The following SYN3 variants were observed in gnomAD, a reference collection of about 807,000 sequenced individuals.
SYN3 encodes the protein synapsin III, also known as synapsin-3.
SYN3 carries 35 observed loss-of-function variants against 65.8 expected under a neutral mutation model. The observed-to-expected ratio is 0.53, with a 90% CI of 0.41 to 0.70. SYN3 has a LOEUF of 0.70. SYN3 is among the 30% of genes least tolerant of loss of function. The probability of loss-of-function intolerance (pLI) is 0.00; values close to 1 mark genes in which losing one functional copy is unlikely to be tolerated. For synonymous variants in SYN3, 270 were observed against 292.9 expected, an observed-to-expected ratio of 0.92 and a Z score of 0.80; for missense variants, 680 against 749.0, an observed-to-expected ratio of 0.91 and a Z score of 1.08.
At chr22:32,650,349 C>T (rs1352462935) in intron 6 of SYN3, among the ~76,000 whole-genome samples, 2 of 150,554 alleles carry the variant, frequency 1.3e-5, no homozygotes, top group African/African-American at 4.9e-5. Context: ...TCACTGCAAC[C>T]TCTGCCTCCC....
At chr22:32,878,071 C>G (rs996433308) in intron 4 of SYN3, among the ~76,000 whole-genome samples, 3 of 152,274 alleles carry the variant, frequency 2.0e-5, no homozygotes, top group Admixed American at 6.5e-5. Context: ...AAGGTGTCCA[C>G]CTGGGACTGG....
At chr22:32,815,231 G>A (rs1177705367) in intron 6 of SYN3, among the ~76,000 whole-genome samples, 1 of 152,230 alleles carries the variant, frequency 6.6e-6, no homozygotes, top group Non-Finnish European at 1.5e-5. Context: ...CCAAGGCTCA[G>A]AGGCTACTGA....
At chr22:33,011,837 A>C (rs1209566443) in intron 1 of SYN3, among the ~76,000 whole-genome samples, 2 of 152,166 alleles carry the variant, frequency 1.3e-5, no homozygotes, top group Non-Finnish European at 2.9e-5. Flanking sequence ...CTTGGTTGTG[A>C]AACTTACTGG....
rs1355118955 is a variant in SYN3 at position 32,527,931 on chromosome 22, G to A, written c.1305C>T (p.Arg435=). The A allele has an allele frequency of 6.3e-7, 1 of 1,590,726 alleles. No homozygotes were observed. The highest frequency in any genetic ancestry group is 1.7e-5 in the Admixed American group (1 of 57,716). Residue 435 remains arginine, a synonymous_variant, in exon 12 of 14, where the codon CGC becomes CGT. Coordinates refer to ENST00000358763, the MANE Select transcript of SYN3 (RefSeq NM_003490.4). The part of the protein sequence containing the change: ...LGPQLGQPQP[R]PPPQGGPRQA... ...CCTGGGTCATACCTTGCGGAGGTGGGCGTGGCTGGGGCTGGCCTAGCTGAG... is the reference window on the plus strand; with the variant it reads ...CCTGGGTCATACCTTGCGGAGGTGGACGTGGCTGGGGCTGGCCTAGCTGAG...
chr22:32,827,456 A>G (rs1231331533), intron 6 of SYN3, among the ~76,000 whole-genome samples: 1 of 151,958 alleles, frequency 6.6e-6, no homozygotes, highest in Non-Finnish European at 1.5e-5. Flanking sequence ...GTACAAATGG[A>G]TTTTAAAACA....
chr22:32,983,792 G>A (rs890723798), intron 2 of SYN3, among the ~76,000 whole-genome samples: 1 of 152,160 alleles, frequency 6.6e-6, no homozygotes, highest in African/African-American at 2.4e-5. Flanking sequence ...GGGGCAAAGC[G>A]ACAAATGGAA....
At chr22:32,668,293 T>C (rs2060317789) in intron 6 of SYN3, among the ~76,000 whole-genome samples, 1 of 152,216 alleles carries the variant, frequency 6.6e-6, no homozygotes, top group African/African-American at 2.4e-5. Context: ...TGAGAAATTG[T>C]TACATAATTA....
chr22:32,951,909 C>G (rs867994934), intron 3 of SYN3, among the ~76,000 whole-genome samples: 1 of 152,198 alleles, frequency 6.6e-6, no homozygotes, highest in South Asian at 2.1e-4. Flanking sequence ...CTCCTCCATT[C>G]GGCCTCTTCT....
At chr22:32,611,284 G>GTTTTTTTTTTT (rs1201383074) in intron 6 of SYN3, among the ~76,000 whole-genome samples, 40 of 94,488 alleles carry the variant, frequency 4.2e-4, no homozygotes, top group Non-Finnish European at 6.6e-4. Context: ...TTTTTTTTTT[G>GTTTTTTTTTTT]TTTTTTTTTT....
chr22:32,807,809 T>C lies in SYN3; in HGVS notation c.711+57106A>G, dbSNP rs967786946. ...ATTATATAATATGCATTTTCAATTT[T>C]AATAGTTCCTGCCAATTTGGCCTCC... On this transcript the variant is annotated intron_variant, in intron 6 of 13. Transcript: ENST00000358763. Among the ~76,000 whole-genome samples the C allele has an allele frequency of 8.5e-5, 13 of 152,196 alleles. No individual in the cohort carries two copies. In the East Asian group the frequency reaches 2.5e-3, roughly 29 times the overall value.
rs181185509 is a variant in SYN3, at chr22:33,043,820, C to T, written c.-163+14472G>A. On this transcript the variant is annotated intron_variant, in intron 1 of 13. Transcript: ENST00000358763. ...CTGTAATCCCAGCACTTTGGGAGGC[C>T]GAGGCAGGCAGATCATGAGGTCAAG... Among the ~76,000 whole-genome samples, 867 of 152,080 alleles carry T rather than the reference C, an allele frequency of 5.7e-3. 5 individuals carry two copies. Among genetic ancestry groups the T allele is most frequent in the Non-Finnish European group, 9.8e-3 (663 of 67,986 alleles).
At position 32,650,240 on chromosome 22, in the gene SYN3, TCC is replaced by T. The variant is rs2060045802; in HGVS notation, c.712-53506_712-53505del. ...TTCTCTCTCTCTCTCTCTCCCTCCC[TCC>T]CTCCCTCCCTCCCTCCCTCTCTCTC... is the stretch of plus-strand genomic sequence containing the variant. On this transcript the variant is annotated intron_variant, in intron 6 of 13. Transcript: ENST00000358763. 9.6e-5 allele frequency among the ~76,000 whole-genome samples: 7 copies of T among 72,900 alleles called. No homozygotes were observed. In the South Asian group the frequency reaches 1.7e-3, roughly 18 times the overall value. 47.8% of individuals were successfully genotyped at this position (72,900 alleles called of 152,430 possible).
chr22:32,820,748 A>G lies in SYN3; in HGVS notation c.711+44167T>C, dbSNP rs542152616. Among the ~76,000 whole-genome samples, 6 of 152,304 alleles carry G rather than the reference A, an allele frequency of 3.9e-5. No individual in the cohort carries two copies. The South Asian group carries it at 1.2e-3, about 32-fold the overall frequency. On this transcript the variant is annotated intron_variant, in intron 6 of 13. Transcript: ENST00000358763. Reference sequence around the variant, plus strand: ...GGGCTTGGGATATGTTTTAGGGTGAAGGATCACAGAAGCTTACTCATACCT... The same window carrying G: ...GGGCTTGGGATATGTTTTAGGGTGAGGGATCACAGAAGCTTACTCATACCT...
At chr22:32,777,641 C>G (rs1291697126) in intron 6 of SYN3, among the ~76,000 whole-genome samples, 1 of 152,064 alleles carries the variant, frequency 6.6e-6, no homozygotes, top group Non-Finnish European at 1.5e-5. Flanking sequence ...AGAATATCCC[C>G]AAAGAACCCT....
intron 6 of SYN3, among the ~76,000 whole-genome samples, chr22:32,819,364 G>A (rs1434320759): frequency 6.6e-6 from 1 of 152,228 alleles, no homozygotes; most frequent in African/African-American, 2.4e-5. Context: ...TCTCCTTCTC[G>A]AGGCCCAGCC....
chr22:32,929,235 T>TCATG (rs2050562737), intron 4 of SYN3, among the ~76,000 whole-genome samples: 1 of 152,162 alleles, frequency 6.6e-6, no homozygotes, highest in Non-Finnish European at 1.5e-5. Flanking sequence ...TGAGCCAAGA[T>TCATG]CATGCCATTG....
chr22:32,573,057 T>C (rs1304759676), intron 7 of SYN3, among the ~76,000 whole-genome samples: 2 of 152,322 alleles, frequency 1.3e-5, no homozygotes, highest in Admixed American at 6.5e-5. Flanking sequence ...CATTGTTAGG[T>C]TGAAATCATT....
chr22:32,668,643 G>A (rs2060323139), intron 6 of SYN3, among the ~76,000 whole-genome samples: 1 of 152,118 alleles, frequency 6.6e-6, no homozygotes, highest in South Asian at 2.1e-4. Context: ...TCCCATTGCA[G>A]AACTGATGTA....
chr22:32,611,735 T>C (rs1384668613), intron 6 of SYN3, among the ~76,000 whole-genome samples: 2 of 152,172 alleles, frequency 1.3e-5, no homozygotes, highest in Non-Finnish European at 2.9e-5. Context: ...ATAAGAAACA[T>C]GCATTTAGTC....
Sources: gnomAD v4.1 joint callset for allele counts (sites outside exome capture counted in the v4.1 genomes callset) on GRCh38, gnomAD v4.1.1 for gene constraint, MANE v1.5 for transcripts, NCBI Gene and HGNC (gene_info 2026-07-23, HGNC 2026-07-21) for gene names.